The following ANKFY1 variants were observed in gnomAD, a reference collection of about 807,000 sequenced individuals.
ANKFY1 encodes the protein ankyrin repeat and FYVE domain containing 1, also known as ankyrin repeat and FYVE domain-containing protein 1.
Under a neutral mutation model 128.3 loss-of-function variants are expected in ANKFY1, and 47 were observed. That is an observed-to-expected ratio of 0.37 (90% CI 0.29 to 0.47). The LOEUF is 0.47. ANKFY1 is among the 20% of genes least tolerant of loss of function. The pLI, the probability that ANKFY1 is intolerant of heterozygous loss-of-function variation, is 1.00. For missense variants in ANKFY1, 1,222 were observed against 1,510.6 expected (o/e 0.81, Z 3.17); for synonymous variants, 553 against 601.6 (o/e 0.92, Z 1.18).
chr17:4,206,221 G>A (rs2060020924), intron 7 of ANKFY1, 100 bp downstream of exon 7: 8 of 1,317,000 alleles, frequency 6.1e-6, no homozygotes, highest in Non-Finnish European at 8.5e-6. Flanking sequence ...ACAGACTACA[G>A]AAGCCTTTGA....
chr17:4,225,376 T>C (rs1212897099), intron 3 of ANKFY1, among the ~76,000 whole-genome samples: 1 of 152,052 alleles, frequency 6.6e-6, no homozygotes, highest in Non-Finnish European at 1.5e-5. Context: ...AGTTTTTGCT[T>C]CATAGAATTA....
rs757199349 is a variant in ANKFY1, at chr17:4,184,970, T to C, written c.1547A>G (p.Asn516Ser). The C allele has an allele frequency of 3.1e-6, 5 of 1,614,044 alleles. No individual in the cohort carries two copies. In the Admixed American group the frequency reaches 6.7e-5, roughly 22 times the overall value. Residue 516 changes from asparagine (N) to serine (S), a missense_variant, in exon 12 of 25, where the codon AAC becomes AGC. Transcript: ENST00000341657. The stretch of plus-strand genomic sequence containing the variant: ...AGCTTCCTCCGTCTGCAGGTTTGGG[T>C]TGGCGCCTTGCTGCAGGAGCTCTGC... ...LTAELLQQGA[N>S]PNLQTEEALP...
intron 7 of ANKFY1, among the ~76,000 whole-genome samples, chr17:4,204,430 A>C (rs1406177421): frequency 6.6e-6 from 1 of 152,268 alleles, no homozygotes; most frequent in East Asian, 1.9e-4. Context: ...TACCAGCTTC[A>C]TAAAGCCAGT....
At chr17:4,187,045 T>C (rs1327405443) in intron 11 of ANKFY1, 3 of 1,224,508 alleles carry the variant, frequency 2.4e-6, no homozygotes, top group Non-Finnish European at 2.0e-6. Context: ...AGGTGGTTTC[T>C]GGTTCCACGG....
chr17:4,250,040 C>T (rs986681222), intron 1 of ANKFY1, among the ~76,000 whole-genome samples: 9 of 152,202 alleles, frequency 5.9e-5, no homozygotes, highest in Non-Finnish European at 8.8e-5. Context: ...GTTTTGGCTT[C>T]CTAACTCTGT....
chr17:4,176,556 T>C (rs1173619185), intron 19 of ANKFY1, among the ~76,000 whole-genome samples: 1 of 152,308 alleles, frequency 6.6e-6, no homozygotes, highest in East Asian at 1.9e-4. Flanking sequence ...TCAACTCTAC[T>C]AAAACTTCAA....
intron 2 of ANKFY1, among the ~76,000 whole-genome samples, chr17:4,239,059 A>AG (rs1340078140): frequency 1.3e-5 from 2 of 152,168 alleles, no homozygotes; most frequent in Admixed American, 6.6e-5. Flanking sequence ...CGCCCGGCCT[A>AG]GGGCAGGTTT....
chr17:4,238,915 C>T (rs994951935), intron 2 of ANKFY1, among the ~76,000 whole-genome samples: 36 of 152,170 alleles, frequency 2.4e-4, no homozygotes, highest in African/African-American at 6.3e-4. Context: ...TGTGCCGCTA[C>T]GCCCAGCTAA....
intron 2 of ANKFY1, among the ~76,000 whole-genome samples, chr17:4,238,417 T>C (rs1042582394): frequency 6.6e-6 from 1 of 152,088 alleles, no homozygotes; most frequent in Non-Finnish European, 1.5e-5. Flanking sequence ...ATTCCCTATC[T>C]GATATTTAAC....
At position 4,242,319 on chromosome 17, in the gene ANKFY1, C is replaced by T. The variant is rs1020307777; in HGVS notation, c.140G>A (p.Ser47Asn). The change falls in exon 2 of 25, where the codon AGC becomes AAC. Residue 47 changes from serine (S) to asparagine (N), a missense_variant. By Grantham distance (46) the Ser-to-Asn change is conservative. Transcript: ENST00000341657. ...LAAQANKESS[S>N]ESFISRLLAI... ...CAGCAGACGGCTGATGAAGGACTCG[C>T]TGCTGCTCTCCTTGTTTGCCTGCGC... 11 of 1,599,426 alleles carry T rather than the reference C, an allele frequency of 6.9e-6. No homozygotes were observed. The highest frequency in any genetic ancestry group is 1.3e-5 in the African/African-American group (1 of 74,100).
intron 1 of ANKFY1, 58 bp downstream of exon 1, chr17:4,263,874 G>C: frequency 6.2e-7 from 1 of 1,613,168 alleles, no homozygotes; most frequent in Non-Finnish European, 8.5e-7. Context: ...GCTTCGCACG[G>C]CCAGCAGCGC....
chr17:4,185,640 A>C (rs2059597553), intron 11 of ANKFY1, among the ~76,000 whole-genome samples: 2 of 152,100 alleles, frequency 1.3e-5, no homozygotes, highest in South Asian at 4.1e-4. Flanking sequence ...TTCCACCCTT[A>C]GTTTCTTCAG....
At position 4,165,761 on chromosome 17, in the gene ANKFY1, T is replaced by C. The variant is rs1168444907; in HGVS notation, c.*2018A>G. The C allele has an allele frequency of 6.6e-6, 1 of 152,234 alleles. No individual in the cohort carries two copies. Among genetic ancestry groups the C allele is most frequent in the Non-Finnish European group, 1.5e-5 (1 of 68,038 alleles). The allele number at this position is 152,234 out of a possible 1,614,324, so 9.4% of individuals were successfully genotyped here. A position where few individuals can be genotyped will look rare whatever the true frequency, so the allele number is the denominator to read the frequency against. ...AGTGCAATGACAGGCAAGATTGTTA[T>C]TGAAATTGGTATGGTAGGGCATGGG... On this transcript the variant is annotated 3_prime_UTR_variant, in exon 25 of 25. Coordinates refer to ENST00000341657, the MANE Select transcript of ANKFY1 (RefSeq NM_001330063.2).
intron 22 of ANKFY1, 28 bp from the exon 23 acceptor site, chr17:4,170,889 A>C (rs375906756): frequency 1.2e-6 from 2 of 1,613,778 alleles, no homozygotes; most frequent in Non-Finnish European, 1.7e-6. Context: ...GCGCAGGGCT[A>C]CTTCCCACCC....
intron 3 of ANKFY1, among the ~76,000 whole-genome samples, chr17:4,227,911 C>T (rs1567961797): frequency 6.6e-6 from 1 of 152,082 alleles, no homozygotes; most frequent in East Asian, 1.9e-4. Context: ...CTCATATCCA[C>T]GGCTAATGGG....
chr17:4,250,547 T>C (rs1204943901), intron 1 of ANKFY1, among the ~76,000 whole-genome samples: 1 of 152,212 alleles, frequency 6.6e-6, no homozygotes, highest in African/African-American at 2.4e-5. Flanking sequence ...CGCTCATGGA[T>C]TGGAAGGCTC....
rs186680460 is a variant in ANKFY1 at position 4,204,910 on chromosome 17, C to T, written c.898+1411G>A. ...ACTGACATACTCGAAGGATTTCCTACCCAGTGATGAGCAAAATTTTCCTCT... is the reference window on the plus strand; with the variant it reads ...ACTGACATACTCGAAGGATTTCCTATCCAGTGATGAGCAAAATTTTCCTCT... On this transcript the variant is annotated intron_variant, in intron 7 of 24. Coordinates refer to ENST00000341657, the MANE Select transcript of ANKFY1 (RefSeq NM_001330063.2). Among the ~76,000 whole-genome samples the T allele has an allele frequency of 8.5e-5, 13 of 152,304 alleles. 1 individual carries two copies. Among genetic ancestry groups the T allele is most frequent in the Admixed American group, 8.5e-4 (13 of 15,298 alleles).
At chr17:4,233,258 A>G (rs2060544553) in intron 3 of ANKFY1, among the ~76,000 whole-genome samples, 1 of 152,190 alleles carries the variant, frequency 6.6e-6, no homozygotes, top group African/African-American at 2.4e-5. Flanking sequence ...TGTTCATATA[A>G]TCAAGATCCT....
chr17:4,247,206 G>A lies in ANKFY1; in HGVS notation c.11-4758C>T, dbSNP rs537440582. Among the ~76,000 whole-genome samples the A allele has an allele frequency of 4.6e-5, 7 of 152,148 alleles. No individual in the cohort carries two copies. The East Asian group carries it at 7.7e-4, about 17-fold the overall frequency. On this transcript the variant is annotated intron_variant, in intron 1 of 24. Coordinates refer to ENST00000341657, the MANE Select transcript of ANKFY1 (RefSeq NM_001330063.2). Reference sequence around the variant, plus strand: ...TAAGCCTTCAAATGGAGGAGATCCTGAAAGCTCTGTTTCAGCCATCTTCCC... The same window carrying A: ...TAAGCCTTCAAATGGAGGAGATCCTAAAAGCTCTGTTTCAGCCATCTTCCC...
Sources: gnomAD v4.1 joint callset for allele counts (sites outside exome capture counted in the v4.1 genomes callset) on GRCh38, gnomAD v4.1.1 for gene constraint, MANE v1.5 for transcripts, NCBI Gene and HGNC (gene_info 2026-07-23, HGNC 2026-07-21) for gene names.